KCNH5: variants seen among roughly 807,000 people sequenced by gnomAD.
The protein encoded by KCNH5 is potassium voltage-gated channel subfamily H member 5.
Under a neutral mutation model 96.1 loss-of-function variants are expected in KCNH5, and 46 were observed. That is an observed-to-expected ratio of 0.48 (90% CI 0.38 to 0.61). The LOEUF (loss-of-function observed/expected upper bound fraction) is 0.61, where lower values mean the gene tolerates loss of function less well. Ranked by LOEUF, KCNH5 falls within the 20% of genes least tolerant of loss-of-function variation. The pLI is 0.00. For synonymous variants in KCNH5, 439 were observed against 449.8 expected (o/e 0.98, Z 0.30); for missense variants, 907 against 1,225.8 (o/e 0.74, Z 3.88).
At position 62,707,824 on chromosome 14, in the gene KCNH5, G is replaced by C. The variant is rs144667189; in HGVS notation, c.2651C>G (p.Pro884Arg). The C allele has an allele frequency of 1.2e-6, 2 of 1,613,960 alleles. No homozygotes were observed. The highest frequency in any genetic ancestry group is 1.7e-6 in the Non-Finnish European group (2 of 1,180,034). The change falls in exon 11 of 11, where the codon CCG (proline) becomes CGG (arginine). Residue 884 changes from proline (P) to arginine (R), a missense_variant. Pro to Arg is a moderately radical substitution (Grantham distance 103). Coordinates refer to ENST00000322893, the MANE Select transcript of KCNH5 (RefSeq NM_139318.5). The part of the protein sequence containing the change: ...RLDKAGEARS[P>R]LEHSPIQADA... ...AGCCTGGATGGGACTGTGCTCTAGCGGACTTCGGGCCTCCCCAGCCTTATC... is the reference window on the plus strand; with the variant it reads ...AGCCTGGATGGGACTGTGCTCTAGCCGACTTCGGGCCTCCCCAGCCTTATC...
At position 62,903,326 on chromosome 14, in the gene KCNH5, T is replaced by C. The variant is rs1226623260; in HGVS notation, c.1369+46807A>G. Among the ~76,000 whole-genome samples the C allele has an allele frequency of 2.0e-5, 3 of 152,126 alleles. No individual in the cohort carries two copies. The South Asian group carries it at 6.2e-4, about 32-fold the overall frequency. On this transcript the variant is annotated intron_variant, in intron 7 of 10. Transcript: ENST00000322893. ...TTCCTCATCTGTATTATGCTAAAAATCTCAGGGTGAAAATATGTCAAATGT... is the reference window on the plus strand; with the variant it reads ...TTCCTCATCTGTATTATGCTAAAAACCTCAGGGTGAAAATATGTCAAATGT...
chr14:62,882,502 C>T (rs775804758), intron 7 of KCNH5, among the ~76,000 whole-genome samples: 8 of 152,162 alleles, frequency 5.3e-5, no homozygotes, highest in African/African-American at 1.7e-4. Flanking sequence ...GTATGACACT[C>T]ATAACTGGAC....
intron 10 of KCNH5, among the ~76,000 whole-genome samples, chr14:62,744,474 C>T (rs1885334878): frequency 6.6e-6 from 1 of 152,218 alleles, no homozygotes; most frequent in African/African-American, 2.4e-5. Context: ...TTAAGAGTTA[C>T]TTCCATCATA....
chr14:62,771,804 G>A (rs1401673421), intron 10 of KCNH5, among the ~76,000 whole-genome samples: 1 of 152,028 alleles, frequency 6.6e-6, no homozygotes, highest in Non-Finnish European at 1.5e-5. Context: ...GAACTCTAGA[G>A]CCATTTGCTT....
intron 10 of KCNH5, among the ~76,000 whole-genome samples, chr14:62,713,427 A>G (rs1165642497): frequency 2.6e-5 from 4 of 152,228 alleles, no homozygotes; most frequent in Non-Finnish European, 5.9e-5. Flanking sequence ...TTTGACCCAC[A>G]AATCAGTCAT....
intron 1 of KCNH5, among the ~76,000 whole-genome samples, chr14:63,033,191 A>G (rs1891661888): frequency 6.6e-6 from 1 of 152,108 alleles, no homozygotes. Flanking sequence ...TTTTGGGACT[A>G]TGAGGTTTTT....
intron 10 of KCNH5, among the ~76,000 whole-genome samples, chr14:62,763,166 C>T (rs1253644943): frequency 6.6e-6 from 1 of 151,978 alleles, no homozygotes; most frequent in African/African-American, 2.4e-5. Context: ...TCAACAAATT[C>T]AAAAAAACTG....
At chr14:62,746,738 A>G (rs1304186575) in intron 10 of KCNH5, among the ~76,000 whole-genome samples, 1 of 152,220 alleles carries the variant, frequency 6.6e-6, no homozygotes, top group Non-Finnish European at 1.5e-5. Flanking sequence ...TCAAACATGA[A>G]TAAAATGAGC....
At chr14:62,970,748 G>T (rs1176960915) in intron 6 of KCNH5, among the ~76,000 whole-genome samples, 1 of 151,942 alleles carries the variant, frequency 6.6e-6, no homozygotes, top group Non-Finnish European at 1.5e-5. Flanking sequence ...AAGGAAAATG[G>T]CATGATCATA....
At chr14:63,034,619 CTG>C (rs1891688161) in intron 1 of KCNH5, among the ~76,000 whole-genome samples, 1 of 152,182 alleles carries the variant, frequency 6.6e-6, no homozygotes, top group Non-Finnish European at 1.5e-5. Context: ...GCAAAAATAT[CTG>C]TTAATTTATT....
intron 10 of KCNH5, among the ~76,000 whole-genome samples, chr14:62,755,137 C>A (rs1885592886): frequency 6.6e-6 from 1 of 151,452 alleles, no homozygotes; most frequent in Non-Finnish European, 1.5e-5. Context: ...TGAAACAAAA[C>A]AATTCAACAA....
chr14:62,878,207 G>A (rs557458376), intron 7 of KCNH5, among the ~76,000 whole-genome samples: 1 of 130,492 alleles, frequency 7.7e-6, no homozygotes, highest in Non-Finnish European at 1.6e-5. Flanking sequence ...GGGATGGGGG[G>A]GGGGGCGGAG....
Position 62,849,723 on chromosome 14 carries a change from C to T in KCNH5, c.1499G>A (p.Gly500Asp), listed in dbSNP as rs1566681333. ...ATAATCCATGACTCGCTCACTAAGGCCTTTTGGGACCTGATAGAGTTTTAG... is the reference window on the plus strand; with the variant it reads ...ATAATCCATGACTCGCTCACTAAGGTCTTTTGGGACCTGATAGAGTTTTAG... ...DFLKLYQVPKGLSERVMDYIV... is the reference protein window; with the variant it reads ...DFLKLYQVPKDLSERVMDYIV... Residue 500 changes from glycine (G) to aspartate (D), a missense_variant, in exon 8 of 11, where the codon GGC becomes GAC. Gly to Asp is a moderately conservative substitution (Grantham distance 94). Transcript: ENST00000322893. The T allele has an allele frequency of 6.2e-7, 1 of 1,613,830 alleles. No homozygotes were observed. The highest frequency in any genetic ancestry group is 8.5e-7 in the Non-Finnish European group (1 of 1,179,840).
At chr14:62,997,445 T>A (rs1890926522) in intron 4 of KCNH5, among the ~76,000 whole-genome samples, 2 of 152,192 alleles carry the variant, frequency 1.3e-5, no homozygotes, top group African/African-American at 4.8e-5. Context: ...GCAAGTGCTT[T>A]CTCTCTGCTG....
At chr14:62,940,994 T>C (rs1365163399) in intron 7 of KCNH5, among the ~76,000 whole-genome samples, 1 of 152,068 alleles carries the variant, frequency 6.6e-6, no homozygotes, top group Non-Finnish European at 1.5e-5. Flanking sequence ...GAGGTGGACA[T>C]TGAGATGGGG....
chr14:62,929,733 T>G (rs369236119), intron 7 of KCNH5, among the ~76,000 whole-genome samples: 8 of 151,624 alleles, frequency 5.3e-5, no homozygotes, highest in African/African-American at 1.9e-4. Flanking sequence ...GTAGATTTGT[T>G]ACATGGGTAT....
intron 7 of KCNH5, among the ~76,000 whole-genome samples, chr14:62,928,437 C>A (rs1426205302): frequency 6.6e-6 from 1 of 151,996 alleles, no homozygotes; most frequent in Non-Finnish European, 1.5e-5. Context: ...GAAACAACAG[C>A]AAATATTTAT....
intron 9 of KCNH5, among the ~76,000 whole-genome samples, chr14:62,783,927 T>C (rs1886269430): frequency 6.6e-6 from 1 of 151,998 alleles, no homozygotes; most frequent in Non-Finnish European, 1.5e-5. Flanking sequence ...TTAAGAAATC[T>C]ACTTTATCTT....
intron 9 of KCNH5, among the ~76,000 whole-genome samples, chr14:62,786,995 C>T (rs1886333389): frequency 6.6e-6 from 1 of 152,104 alleles, no homozygotes; most frequent in Admixed American, 6.6e-5. Flanking sequence ...AACCAGCAAC[C>T]TTAAAATGGC....
Sources: allele counts gnomAD v4.1 joint callset (sites outside exome capture counted in the v4.1 genomes callset), GRCh38; gene constraint gnomAD v4.1.1; transcripts MANE v1.5; gene names NCBI Gene and HGNC (gene_info 2026-07-23, HGNC 2026-07-21).